Variants in CACNA1H observed in about 807,000 individuals in gnomAD.
CACNA1H encodes the protein calcium voltage-gated channel subunit alpha1 H.
CACNA1H carries 149 observed loss-of-function variants against 192.5 expected under a neutral mutation model. The ratio of observed to expected loss-of-function variants is 0.77; its 90% CI spans 0.68 to 0.89. The LOEUF is 0.89. Among genes scored for constraint, CACNA1H ranks in the 40% least tolerant of loss-of-function variants. CACNA1H has a pLI of 0.00. For missense variants in CACNA1H, 4,257 were observed against 3,423.5 expected, an observed-to-expected ratio of 1.24 and a Z score of -6.08; for synonymous variants, 2,202 against 1,475.2, an observed-to-expected ratio of 1.49 and a Z score of -11.29.
At chr16:1,186,516 C>T (rs1966077454) in intron 2 of CACNA1H, among the ~76,000 whole-genome samples, 1 of 152,082 alleles carries the variant, frequency 6.6e-6, no homozygotes, top group African/African-American at 2.4e-5. Flanking sequence ...TGTCCCTCTC[C>T]ACGGCGTTCT....
Position 1,207,751 on chromosome 16 carries a change from T to C in CACNA1H, c.3064-19T>C. The C allele has an allele frequency of 5.1e-6, 8 of 1,579,820 alleles. No homozygotes were observed. The highest frequency in any genetic ancestry group is 6.9e-6 in the Non-Finnish European group (8 of 1,163,294). The stretch of plus-strand genomic sequence containing the variant: ...CTCACGGGGCCCCTCATGCCTGCCT[T>C]GTGCTTTGTTGGGTTTAGGGCGATG... On this transcript the variant is annotated intron_variant, in intron 14 of 34. Coordinates refer to ENST00000348261, the MANE Select transcript of CACNA1H (RefSeq NM_021098.3).
rs765951712 is a variant in CACNA1H at position 1,211,307 on chromosome 16, CA to C, written c.4350+14del. ...TTTGGGTGTGCAGGTGTGTGGCCCC[CA>C]CGTGCCCGGGGGTCTGCCCCGTCGC... On this transcript the variant is annotated intron_variant, in intron 22 of 34. Coordinates refer to ENST00000348261, the MANE Select transcript of CACNA1H (RefSeq NM_021098.3). The C allele has an allele frequency of 6.2e-7, 1 of 1,612,758 alleles. No homozygotes were observed. The highest frequency in any genetic ancestry group is 8.5e-7 in the Non-Finnish European group (1 of 1,179,616).
At chr16:1,201,316 T>TA (rs1967869024) in intron 8 of CACNA1H, among the ~76,000 whole-genome samples, 1 of 151,992 alleles carries the variant, frequency 6.6e-6, no homozygotes, top group African/African-American at 2.4e-5. Flanking sequence ...TGGTCCATGC[T>TA]AAGGAGGAAA....
chr16:1,174,464 C>T (rs569317112), intron 2 of CACNA1H, among the ~76,000 whole-genome samples: 1 of 152,220 alleles, frequency 6.6e-6, no homozygotes, highest in African/African-American at 2.4e-5. Flanking sequence ...CAGCACAGCC[C>T]ACCTGGCCCA....
chr16:1,195,306 A>G (rs1596381921), intron 3 of CACNA1H, 126 bp from the exon 4 acceptor site: 3 of 728,674 alleles, frequency 4.1e-6, no homozygotes, highest in South Asian at 4.5e-5. Context: ...CCTGGGGCTC[A>G]GGGCGGGGCA....
intron 2 of CACNA1H, among the ~76,000 whole-genome samples, chr16:1,181,924 CATGT>C (rs879346622): frequency 9.1e-4 from 138 of 152,280 alleles, no homozygotes; most frequent in African/African-American, 3.1e-3. Flanking sequence ...CTCACACATG[CATGT>C]CCCCTTTGCA....
At chr16:1,179,769 C>G (rs967206039) in intron 2 of CACNA1H, among the ~76,000 whole-genome samples, 3 of 120,990 alleles carry the variant, frequency 2.5e-5, no homozygotes, top group African/African-American at 6.5e-5. Context: ...GAGTCTTGCT[C>G]TGTCGCCCAG....
intron 16 of CACNA1H, 117 bp downstream of exon 16, chr16:1,208,338 G>A (rs1969003843): frequency 2.7e-6 from 2 of 731,042 alleles, no homozygotes; most frequent in South Asian, 1.6e-5. Context: ...TGAAGTCCCA[G>A]CCTGTGCAGA....
intron 2 of CACNA1H, among the ~76,000 whole-genome samples, chr16:1,165,015 G>A (rs1239182090): frequency 1.3e-5 from 2 of 152,184 alleles, no homozygotes; most frequent in African/African-American, 4.8e-5. Context: ...TCTCCGTGGG[G>A]TTCTGGGGCG....
chr16:1,219,567 C>T (rs1970313780), intron 34 of CACNA1H, among the ~76,000 whole-genome samples: 1 of 152,230 alleles, frequency 6.6e-6, no homozygotes, highest in Non-Finnish European at 1.5e-5. Context: ...GCCTTGCCCA[C>T]CTGCAGCCTC....
At chr16:1,181,930 C>T (rs1255550833) in intron 2 of CACNA1H, among the ~76,000 whole-genome samples, 1 of 152,168 alleles carries the variant, frequency 6.6e-6, no homozygotes, top group Non-Finnish European at 1.5e-5. Context: ...CATGCATGTC[C>T]CCTTTGCACA....
rs1284484200 is a variant in CACNA1H at position 1,218,021 on chromosome 16, A to G, written c.5426A>G (p.Asn1809Ser). ...LTLFRVSTGD[N>S]WNGIMKDTLR... ...CTGTTCCGCGTGTCCACGGGGGACA[A>G]CTGGAACGGGATCATGAAGGTACCC... The change falls in exon 32 of 35, where the codon AAC becomes AGC. Residue 1809 changes from asparagine to serine, a missense_variant. Transcript: ENST00000348261. 1.2e-6 allele frequency: 2 copies of G among 1,600,854 alleles called. No individual in the cohort carries two copies. The highest frequency in any genetic ancestry group is 2.7e-5 in the African/African-American group (2 of 74,722).
chr16:1,210,123 C>T lies in CACNA1H; in HGVS notation c.3833C>T (p.Ser1278Phe). ...GAGGCCTGGGCCCTCTACCTCTTCT[C>T]CCCACAGAACCGGTGAGGCGGCCGG... ...SREAWALYLFSPQNRFRVSCQ... is the reference protein window; with the variant it reads ...SREAWALYLFFPQNRFRVSCQ... Residue 1278 changes from serine (S) to phenylalanine (F), a missense_variant, in exon 18 of 35, where the codon TCC (serine) becomes TTC (phenylalanine). Transcript: ENST00000348261. 1 of 1,557,232 alleles carries T rather than the reference C, an allele frequency of 6.4e-7. No homozygotes were observed. Among genetic ancestry groups the T allele is most frequent in the Non-Finnish European group, 8.7e-7 (1 of 1,151,088 alleles).
rs370829590 is a variant in CACNA1H at position 1,211,850 on chromosome 16, G to A, written c.4566+45G>A. On this transcript the variant is annotated intron_variant, in intron 24 of 34. Coordinates refer to ENST00000348261, the MANE Select transcript of CACNA1H (RefSeq NM_021098.3). ...GCTGGGTCACCTCAGGGTCTCCCGC[G>A]AGCGGCTGCCTTGGCCTCTGGGGAC... 503 of 1,609,834 alleles carry A rather than the reference G, an allele frequency of 3.1e-4. No homozygotes were observed. In the African/African-American group the frequency reaches 5.9e-3, roughly 19 times the overall value.
At chr16:1,217,874 C>T in intron 31 of CACNA1H, 45 bp from the exon 32 acceptor site, 1 of 1,552,722 alleles carries the variant, frequency 6.4e-7, no homozygotes, top group Non-Finnish European at 8.7e-7. Context: ...CCCGCCTCCA[C>T]CCGGAGCGGG....
At chr16:1,188,556 C>T (rs891777450) in intron 2 of CACNA1H, among the ~76,000 whole-genome samples, 1 of 152,224 alleles carries the variant, frequency 6.6e-6, no homozygotes, top group Non-Finnish European at 1.5e-5. Context: ...CTCACCCAGC[C>T]GCGGGAATGC....
chr16:1,202,370 G>A lies in CACNA1H; in HGVS notation c.1920G>A (p.Pro640=), dbSNP rs370824503. The A allele has an allele frequency of 4.9e-5, 77 of 1,556,536 alleles. No homozygotes were observed. The highest frequency in any genetic ancestry group is 6.1e-5 in the Non-Finnish European group (70 of 1,152,502). The change falls in exon 9 of 35, where the codon CCG becomes CCA. Residue 640 remains proline, a synonymous_variant. Coordinates refer to ENST00000348261, the MANE Select transcript of CACNA1H (RefSeq NM_021098.3). ...CCAAGGGGAAGTGGGCCGGTGGACC[G>A]CCAGGCACCGGGGGGCACGGCCCGT... ...PGPKGKWAGG[P]PGTGGHGPLS... is the part of the protein sequence containing the mutation.
chr16:1,208,926 G>A, intron 16 of CACNA1H, 106 bp from the exon 17 acceptor site: 1 of 1,194,152 alleles, frequency 8.4e-7, no homozygotes, highest in South Asian at 2.1e-5. Context: ...GCGGGGCTAT[G>A]CATTAAATGA....
intron 2 of CACNA1H, among the ~76,000 whole-genome samples, chr16:1,181,693 C>T (rs904518090): frequency 3.9e-5 from 6 of 152,182 alleles, no homozygotes; most frequent in African/African-American, 1.2e-4. Context: ...GGGAGCTGTC[C>T]GCGTGTGCTC....
Sources: allele counts gnomAD v4.1 joint callset (sites outside exome capture counted in the v4.1 genomes callset), GRCh38; gene constraint gnomAD v4.1.1; transcripts MANE v1.5; gene names NCBI Gene and HGNC (gene_info 2026-07-23, HGNC 2026-07-21).